RBMS3: variants seen among roughly 807,000 people sequenced by gnomAD.
RBMS3 encodes the protein RNA binding motif single stranded interacting protein 3.
RBMS3 carries 27 observed loss-of-function variants against 66.8 expected under a neutral mutation model. That is an observed-to-expected ratio of 0.40 (90% confidence interval 0.30 to 0.56). The LOEUF (loss-of-function observed/expected upper bound fraction) is 0.56, where lower values mean the gene tolerates loss of function less well. Among genes scored for constraint, RBMS3 ranks in the 20% least tolerant of loss-of-function variants. The probability of loss-of-function intolerance (pLI) is 0.40; values close to 1 mark genes in which losing one functional copy is unlikely to be tolerated. For missense variants in RBMS3, 513 were observed against 549.5 expected (o/e 0.93, Z 0.66); for synonymous variants, 188 against 183.0 (o/e 1.03, Z -0.22).
chr3:29,959,635 A>C (rs1268002740), intron 12 of RBMS3, among the ~76,000 whole-genome samples: 1 of 152,076 alleles, frequency 6.6e-6, no homozygotes, highest in Non-Finnish European at 1.5e-5. Context: ...AGAATTACTC[A>C]AGACTGAGTA....
At chr3:29,880,884 C>T (rs933552420) in intron 7 of RBMS3, 18 of 1,444,072 alleles carry the variant, frequency 1.2e-5, no homozygotes, top group Non-Finnish European at 1.6e-5. Context: ...TTCTCTCCAC[C>T]TCCCTCTCCC....
At chr3:29,684,858 A>T (rs760711838) in intron 4 of RBMS3, among the ~76,000 whole-genome samples, 19 of 152,162 alleles carry the variant, frequency 1.2e-4, no homozygotes, top group Non-Finnish European at 2.6e-4. Flanking sequence ...TTGTGTACAG[A>T]AAAGGATAAC....
At chr3:29,332,656 C>A (rs114458849) in intron 1 of RBMS3, among the ~76,000 whole-genome samples, 1 of 152,236 alleles carries the variant, frequency 6.6e-6, no homozygotes, top group South Asian at 2.1e-4. Flanking sequence ...CAGTTATACA[C>A]CCTCTTTCCA....
intron 6 of RBMS3, among the ~76,000 whole-genome samples, chr3:29,865,626 G>T (rs1319284172): frequency 6.6e-6 from 1 of 152,054 alleles, no homozygotes; most frequent in Admixed American, 6.6e-5. Context: ...AGGGAAAACT[G>T]GTATGGGAAC....
At chr3:29,555,142 T>G (rs2046310762) in intron 3 of RBMS3, among the ~76,000 whole-genome samples, 1 of 152,200 alleles carries the variant, frequency 6.6e-6, no homozygotes, top group Non-Finnish European at 1.5e-5. Context: ...AATTATACAT[T>G]TGTTCAACAA....
chr3:29,873,387 C>T (rs2059537382), intron 7 of RBMS3, among the ~76,000 whole-genome samples: 1 of 152,044 alleles, frequency 6.6e-6, no homozygotes, highest in Non-Finnish European at 1.5e-5. Context: ...TGGCTCTCGA[C>T]TTGGCTGCAG....
intron 8 of RBMS3, among the ~76,000 whole-genome samples, chr3:29,895,780 T>C (rs1381719310): frequency 1.3e-5 from 2 of 151,502 alleles, no homozygotes; most frequent in East Asian, 3.9e-4. Context: ...GGAAAGTGTA[T>C]GTTTAACTTT....
intron 10 of RBMS3, among the ~76,000 whole-genome samples, chr3:29,934,717 A>G (rs1411797340): frequency 2.0e-5 from 3 of 152,080 alleles, no homozygotes; most frequent in Non-Finnish European, 4.4e-5. Context: ...AAAAGCCTAA[A>G]TGTCTTTGTG....
At chr3:29,956,473 T>C (rs1265505679) in intron 12 of RBMS3, among the ~76,000 whole-genome samples, 1 of 152,112 alleles carries the variant, frequency 6.6e-6, no homozygotes, top group Non-Finnish European at 1.5e-5. Flanking sequence ...CCATTCCTTT[T>C]ATCCCTTGTG....
In RBMS3 at chr3:29,532,821, A is replaced by G. The variant is rs1277641503; in HGVS notation, c.307+44322A>G. Among the ~76,000 whole-genome samples, 4 of 152,202 alleles carry G rather than the reference A, an allele frequency of 2.6e-5. No individual in the cohort carries two copies. In the East Asian group the frequency reaches 7.7e-4, roughly 29 times the overall value. On this transcript the variant is annotated intron_variant, in intron 3 of 14. Transcript: ENST00000383767. ...GCAACTCAAAAACACTGTAATGGGA[A>G]GTAATGTAACACATTTATGTGTGTG...
chr3:29,876,380 G>GA lies in RBMS3; in HGVS notation c.744+7425dup, dbSNP rs200022992. ...AAAGTAAATTTTACTAACAAAATAG[G>GA]AAAAAAAAAGCTTCAAAATATTTTC... On this transcript the variant is annotated intron_variant, in intron 7 of 14. Coordinates refer to ENST00000383767, the MANE Select transcript of RBMS3 (RefSeq NM_001003793.3). Among the ~76,000 whole-genome samples, 481 of 149,908 alleles carry GA rather than the reference G, an allele frequency of 3.2e-3. 3 individuals are homozygous for GA. Among genetic ancestry groups the GA allele is most frequent in the African/African-American group, 0.011 (454 of 40,970 alleles).
At chr3:29,425,220 A>C (rs78482830) in intron 1 of RBMS3, among the ~76,000 whole-genome samples, 128 of 113,354 alleles carry the variant, frequency 1.1e-3, no homozygotes, top group Admixed American at 7.5e-3. Context: ...AAAAAACAAA[A>C]AAAAAAAAAC....
intron 3 of RBMS3, among the ~76,000 whole-genome samples, chr3:29,553,461 G>A (rs796596350): frequency 2.6e-5 from 4 of 152,228 alleles, no homozygotes; most frequent in African/African-American, 9.6e-5. Context: ...GAGGGGATCA[G>A]GTCTTTTTAC....
At chr3:29,739,348 C>T (rs570778967) in intron 4 of RBMS3, among the ~76,000 whole-genome samples, 12 of 150,122 alleles carry the variant, frequency 8.0e-5, no homozygotes, top group Non-Finnish European at 1.2e-4. Flanking sequence ...CCCAGCTACT[C>T]GGGAGGCTGA....
chr3:29,729,154 CT>C (rs1262654948), intron 4 of RBMS3, among the ~76,000 whole-genome samples: 1 of 149,190 alleles, frequency 6.7e-6, no homozygotes, highest in African/African-American at 2.5e-5. Context: ...CCCCAACCCC[CT>C]GACAGGCCCC....
chr3:29,359,085 T>G (rs576331171), intron 1 of RBMS3, among the ~76,000 whole-genome samples: 53 of 152,204 alleles, frequency 3.5e-4, no homozygotes, highest in Non-Finnish European at 6.3e-4. Context: ...AACACTATGT[T>G]GAATAGGAGT....
chr3:29,856,453 A>G (rs1051578074), intron 6 of RBMS3, among the ~76,000 whole-genome samples: 1 of 152,028 alleles, frequency 6.6e-6, no homozygotes, highest in East Asian at 1.9e-4. Context: ...AGATGCACAC[A>G]TTTAGATCAT....
intron 4 of RBMS3, among the ~76,000 whole-genome samples, chr3:29,630,288 G>A (rs2149174317): frequency 6.6e-6 from 1 of 152,134 alleles, no homozygotes; most frequent in South Asian, 2.1e-4. Flanking sequence ...GGTGAATGAT[G>A]TCATAGTCAC....
At chr3:29,394,611 G>T (rs962988802) in intron 1 of RBMS3, among the ~76,000 whole-genome samples, 3 of 152,112 alleles carry the variant, frequency 2.0e-5, no homozygotes, top group African/African-American at 7.2e-5. Flanking sequence ...GTATTAATTT[G>T]GGGAACTAAT....
Sources: allele counts gnomAD v4.1 joint callset (sites outside exome capture counted in the v4.1 genomes callset), GRCh38; gene constraint gnomAD v4.1.1; transcripts MANE v1.5; gene names NCBI Gene and HGNC (gene_info 2026-07-23, HGNC 2026-07-21).